Variants in PASD1 observed in about 807,000 individuals in gnomAD.
PASD1 encodes circadian clock protein PASD1.
A neutral mutation model predicts 58.8 loss-of-function variants in PASD1; 13 were observed. That is an observed-to-expected ratio of 0.22 (90% CI 0.14 to 0.35). The LOEUF (loss-of-function observed/expected upper bound fraction) is 0.35. Among genes scored for constraint, PASD1 ranks in the 10% least tolerant of loss-of-function variants. The pLI, the probability that PASD1 is intolerant of heterozygous loss-of-function variation, is 1.00. For missense variants in PASD1, 734 were observed against 568.3 expected (o/e 1.29, Z -2.96); for synonymous variants, 236 against 216.7 (o/e 1.09, Z -0.78).
At chrX:151,616,504 G>GTTT (rs59708149) in intron 4 of PASD1, among the ~76,000 whole-genome samples, 269 of 102,932 alleles carry the variant, frequency 2.6e-3, no homozygotes, top group African/African-American at 6.2e-3. Context: ...TTCATTGACA[G>GTTT]TTTTTTTTTT....
At chrX:151,623,941 TAGGC>T (rs985729123) in intron 7 of PASD1, among the ~76,000 whole-genome samples, 3 of 111,225 alleles carry the variant, frequency 2.7e-5, no homozygotes, top group African/African-American at 9.8e-5. Flanking sequence ...ATCCAATAGA[TAGGC>T]AGGGGACAGA....
intron 8 of PASD1, among the ~76,000 whole-genome samples, chrX:151,625,845 A>G (rs985657638): frequency 9.0e-6 from 1 of 111,078 alleles, no homozygotes; most frequent in Non-Finnish European, 1.9e-5. Flanking sequence ...TATTTGGGAT[A>G]CTGATGTGGG....
intron 1 of PASD1, among the ~76,000 whole-genome samples, chrX:151,565,453 C>T (rs1436480317): frequency 9.0e-6 from 1 of 111,364 alleles, no homozygotes; most frequent in African/African-American, 3.3e-5. Context: ...GGGAACTGGA[C>T]CTTTCTTCCA....
At chrX:151,653,465 T>C (rs1347802534) in intron 9 of PASD1, among the ~76,000 whole-genome samples, 1 of 110,671 alleles carries the variant, frequency 9.0e-6, no homozygotes, top group Non-Finnish European at 1.9e-5. Context: ...GTGCTGGGAT[T>C]ACAGGTGTGA....
Position 151,655,099 on chromosome X carries a change from C to T in PASD1, c.718-4614C>T, listed in dbSNP as rs781059655. Among the ~76,000 whole-genome samples, 45 of 110,457 alleles carry T rather than the reference C, an allele frequency of 4.1e-4. No individual in the cohort carries two copies. In the East Asian group the frequency reaches 9.3e-3, roughly 23 times the overall value. Reference sequence around the variant, plus strand: ...ATTCCCACCTATGAGTGAGAACATGCGGTGTTTGGTTTTTTGTCCTTGTGA... The same window carrying T: ...ATTCCCACCTATGAGTGAGAACATGTGGTGTTTGGTTTTTTGTCCTTGTGA... On this transcript the variant is annotated intron_variant, in intron 9 of 15. Coordinates refer to ENST00000370357, the MANE Select transcript of PASD1 (RefSeq NM_173493.3).
intron 1 of PASD1, among the ~76,000 whole-genome samples, chrX:151,589,285 T>C (rs1284383743): frequency 2.7e-5 from 3 of 111,409 alleles, no homozygotes; most frequent in African/African-American, 9.8e-5. Context: ...AGACAGCACT[T>C]ATTCATGACA....
Position 151,664,233 on chromosome X carries a change from C to A in PASD1, c.956C>A (p.Pro319Gln). 8.3e-7 allele frequency: 1 copy of A among 1,201,223 alleles called. No individual in the cohort carries two copies. Reference sequence around the variant, plus strand: ...GTGGACTCAGTGGACCAGGAGGGCCCAATGGACCAGCAGGACCCAGAGAAC... The same window carrying A: ...GTGGACTCAGTGGACCAGGAGGGCCAAATGGACCAGCAGGACCCAGAGAAC... ...DQVDSVDQEG[P>Q]MDQQDPENPV... Residue 319 changes from proline to glutamine, a missense_variant, in exon 11 of 16, where the codon CCA (proline) becomes CAA (glutamine). By Grantham distance (76) the Pro-to-Gln change is moderately conservative. Coordinates refer to ENST00000370357, the MANE Select transcript of PASD1 (RefSeq NM_173493.3).
At chrX:151,568,890 G>A (rs890792020) in intron 1 of PASD1, among the ~76,000 whole-genome samples, 1 of 111,365 alleles carries the variant, frequency 9.0e-6, no homozygotes, top group African/African-American at 3.3e-5. Flanking sequence ...ATCCTCCTGA[G>A]AGTGGCCATA....
chrX:151,667,138 A>G (rs1290985953), intron 11 of PASD1, among the ~76,000 whole-genome samples: 2 of 112,088 alleles, frequency 1.8e-5, no homozygotes, highest in African/African-American at 6.5e-5. Flanking sequence ...ATGGCCAGTG[A>G]TGCTGAGCAT....
At chrX:151,631,427 G>A (rs888098488) in intron 8 of PASD1, among the ~76,000 whole-genome samples, 1 of 111,887 alleles carries the variant, frequency 8.9e-6, no homozygotes, top group African/African-American at 3.2e-5. Context: ...TGTGACCAGG[G>A]ATGTTACTAA....
intron 6 of PASD1, 121 bp from the exon 7 acceptor site, chrX:151,622,816 T>C (rs1156804403): frequency 3.4e-5 from 26 of 755,853 alleles, no homozygotes; most frequent in Non-Finnish European, 4.8e-5. Context: ...AAAAATCCCA[T>C]GGCTCAGAAT....
At chrX:151,567,742 G>A (rs2012868015) in intron 1 of PASD1, among the ~76,000 whole-genome samples, 1 of 112,084 alleles carries the variant, frequency 8.9e-6, no homozygotes, top group African/African-American at 3.2e-5. Context: ...GTTTGTTTGA[G>A]ACAGGGTCTT....
intron 8 of PASD1, among the ~76,000 whole-genome samples, chrX:151,626,718 C>T (rs1394510336): frequency 8.9e-6 from 1 of 111,878 alleles, no homozygotes; most frequent in Non-Finnish European, 1.9e-5. Context: ...GAGAACTTTG[C>T]AAGAGATTTC....
intron 1 of PASD1, among the ~76,000 whole-genome samples, chrX:151,592,552 G>A (rs2124242292): frequency 8.9e-6 from 1 of 111,893 alleles, no homozygotes; most frequent in Admixed American, 9.5e-5. Context: ...GATTATTGAA[G>A]TTTTTGGAAT....
intron 1 of PASD1, among the ~76,000 whole-genome samples, chrX:151,600,570 AT>A (rs201238860): frequency 8.5e-5 from 9 of 105,999 alleles, no homozygotes; most frequent in East Asian, 6.0e-4. Context: ...TGGTAGGAGG[AT>A]TTTTTTTTTC....
chrX:151,654,787 TAAG>T (rs2014214924), intron 9 of PASD1, among the ~76,000 whole-genome samples: 1 of 111,142 alleles, frequency 9.0e-6, no homozygotes, highest in Non-Finnish European at 1.9e-5. Flanking sequence ...GGCAGGTAAA[TAAG>T]AGATAAGATA....
chrX:151,645,459 C>T (rs1322741924), intron 8 of PASD1, among the ~76,000 whole-genome samples: 1 of 111,917 alleles, frequency 8.9e-6, no homozygotes, highest in Non-Finnish European at 1.9e-5. Context: ...AACAACCTTG[C>T]ATTAAAGTAA....
chrX:151,579,252 C>T (rs1350504861), intron 1 of PASD1, among the ~76,000 whole-genome samples: 1 of 112,015 alleles, frequency 8.9e-6, no homozygotes, highest in Non-Finnish European at 1.9e-5. Flanking sequence ...GTTAATCTTA[C>T]AAACCGGTAA....
chrX:151,580,778 C>G (rs1361470136), intron 1 of PASD1, among the ~76,000 whole-genome samples: 9 of 110,299 alleles, frequency 8.2e-5, no homozygotes, highest in Non-Finnish European at 1.7e-4. Flanking sequence ...AAAACTCTGG[C>G]TACCATAACC....
Sources: allele counts gnomAD v4.1 joint callset (sites outside exome capture counted in the v4.1 genomes callset), GRCh38; gene constraint gnomAD v4.1.1; transcripts MANE v1.5; gene names NCBI Gene and HGNC (gene_info 2026-07-23, HGNC 2026-07-21).